The following MKNK1 variants were observed in gnomAD, a reference collection of about 807,000 sequenced individuals.
The protein encoded by MKNK1 is MAP kinase-interacting serine/threonine-protein kinase 1.
In MKNK1, 30 loss-of-function variants were observed where a neutral mutation model predicts 49.3. The observed-to-expected ratio is 0.61, with a 90% CI of 0.46 to 0.83. The LOEUF is 0.83. Among genes scored for constraint, MKNK1 ranks in the 40% least tolerant of loss-of-function variants. MKNK1 has a pLI of 0.00. For synonymous variants in MKNK1, 176 were observed against 201.7 expected (o/e 0.87, Z 1.08); for missense variants, 423 against 524.7 (o/e 0.81, Z 1.89).
intron 2 of MKNK1, chr1:46,584,951 T>G (rs1250292890): frequency 6.6e-6 from 1 of 151,958 alleles, no homozygotes; most frequent in Non-Finnish European, 1.5e-5. Context: ...CCCTATGAAT[T>G]GAAAGAATTA....
At chr1:46,568,972 G>A (rs1343613934) in intron 7 of MKNK1, 1 of 155,166 alleles carries the variant, frequency 6.4e-6, no homozygotes, top group African/African-American at 2.4e-5. Context: ...ATGTTCAGAG[G>A]AGCAAGTGTT....
intron 1 of MKNK1, among the ~76,000 whole-genome samples, chr1:46,603,519 C>T (rs1373868253): frequency 6.6e-6 from 1 of 152,178 alleles, no homozygotes; most frequent in Non-Finnish European, 1.5e-5. Context: ...CCTATTATGG[C>T]CATTTCCTAG....
Position 46,565,053 on chromosome 1 carries a change from C to T in MKNK1, c.597G>A (p.Glu199=). The change falls in exon 9 of 13, where the codon GAG becomes GAA. Residue 199 remains glutamate (E), a synonymous_variant. Transcript: ENST00000371945. ...GAAGCATACGTACTGGGGTGGTCAGCTCTGGTGTGGTTATGGGGGTACAGG... is the reference window on the plus strand; with the variant it reads ...GAAGCATACGTACTGGGGTGGTCAGTTCTGGTGTGGTTATGGGGGTACAGG... The part of the protein sequence containing the change: ...NNSCTPITTP[E]LTTPCGSAEY... 6.2e-7 allele frequency: 1 copy of T among 1,614,196 alleles called. No homozygotes were observed. The highest frequency in any genetic ancestry group is 1.1e-5 in the South Asian group (1 of 91,090).
intron 7 of MKNK1, among the ~76,000 whole-genome samples, chr1:46,570,777 G>A (rs1272274476): frequency 1.3e-5 from 2 of 152,210 alleles, no homozygotes; most frequent in Non-Finnish European, 2.9e-5. Context: ...TGAGGATGGA[G>A]GAAATCGTTA....
intron 2 of MKNK1, 54 bp from the exon 3 acceptor site, chr1:46,583,383 A>C (rs1672035676): frequency 7.2e-7 from 1 of 1,396,388 alleles, no homozygotes; most frequent in East Asian, 2.3e-5. Context: ...TCAAGCTGTA[A>C]ATTTACCCAG....
rs774886719 is a variant in MKNK1, at chr1:46,558,683, G to A, written c.1131C>T (p.Gly377=). 2 of 1,614,248 alleles carry A rather than the reference G, an allele frequency of 1.2e-6. No individual in the cohort carries two copies. Among genetic ancestry groups the A allele is most frequent in the South Asian group, 1.1e-5 (1 of 91,088 alleles). ...LAEEPEALAD[G]LCSMKLSPPC... is the part of the protein sequence containing the mutation. ...GAGGGGAAAGCTTCATGGAGCAGAGGCCATCAGCTAGTGCCTCTGGCTCCT... is the reference window on the plus strand; with the variant it reads ...GAGGGGAAAGCTTCATGGAGCAGAGACCATCAGCTAGTGCCTCTGGCTCCT... Residue 377 remains glycine (G), a synonymous_variant, in exon 13 of 13, where the codon GGC becomes GGT. Transcript: ENST00000371945.
In MKNK1 at chr1:46,576,595, C is replaced by T; in HGVS notation, c.258G>A (p.Leu86=). ...RSRVFREVET[L]YQCQGNKNIL... ...CTCACTTGTTTCCCTGACACTGATA[C>T]AGCGTCTCCACCTCTCGAAACACCC... The change falls in exon 5 of 13, where the codon CTG becomes CTA. Residue 86 remains leucine (L), a synonymous_variant. Coordinates refer to ENST00000371945, the MANE Select transcript of MKNK1 (RefSeq NM_001135553.4). The T allele has an allele frequency of 6.2e-7, 1 of 1,613,958 alleles. No individual in the cohort carries two copies. The highest frequency in any genetic ancestry group is 8.5e-7 in the Non-Finnish European group (1 of 1,179,862).
At position 46,580,544 on chromosome 1, in the gene MKNK1, C is replaced by G. The variant is rs374751007; in HGVS notation, c.184G>C (p.Glu62Gln). 4.3e-6 allele frequency: 7 copies of G among 1,613,192 alleles called. No homozygotes were observed. The highest frequency in any genetic ancestry group is 5.9e-6 in the Non-Finnish European group (7 of 1,179,204). ...GAGACACTCACTTTGACGGCATACT[C>G]TTTGCCATTCTGTAGGCTCACGGCA... Reference protein sequence around the residue: ...QGAVSLQNGKEYAVKIIEKQA... With the variant: ...QGAVSLQNGKQYAVKIIEKQA... Residue 62 changes from glutamate (E) to glutamine (Q), a missense_variant, in exon 4 of 13, where the codon GAG becomes CAG. Transcript: ENST00000371945.
intron 1 of MKNK1, among the ~76,000 whole-genome samples, chr1:46,594,617 T>C (rs1673807952): frequency 6.6e-6 from 1 of 152,218 alleles, no homozygotes; most frequent in Non-Finnish European, 1.5e-5. Context: ...GTTTCCATTA[T>C]GGGATTCCAG....
At chr1:46,573,367 A>C (rs1670482328) in intron 6 of MKNK1, among the ~76,000 whole-genome samples, 1 of 152,236 alleles carries the variant, frequency 6.6e-6, no homozygotes, top group South Asian at 2.1e-4. Context: ...TAGCATTTCA[A>C]ACATGTAATT....
At chr1:46,602,077 T>C (rs1674800106) in intron 1 of MKNK1, among the ~76,000 whole-genome samples, 1 of 152,094 alleles carries the variant, frequency 6.6e-6, no homozygotes, top group Non-Finnish European at 1.5e-5. Context: ...AGAGAGAATA[T>C]AAGCAAAGGC....
intron 1 of MKNK1, among the ~76,000 whole-genome samples, chr1:46,601,553 G>A (rs1674735257): frequency 6.6e-6 from 1 of 152,222 alleles, no homozygotes; most frequent in African/African-American, 2.4e-5. Flanking sequence ...AAAACTCACG[G>A]TCAAGGCAAG....
chr1:46,578,007 T>C (rs1028475727), intron 4 of MKNK1, among the ~76,000 whole-genome samples: 2 of 152,248 alleles, frequency 1.3e-5, no homozygotes, highest in African/African-American at 2.4e-5. Flanking sequence ...GTGTGTCTGT[T>C]TGTAAACCAC....
At chr1:46,585,003 C>T (rs553367843) in intron 2 of MKNK1, among the ~76,000 whole-genome samples, 3 of 151,976 alleles carry the variant, frequency 2.0e-5, no homozygotes, top group Non-Finnish European at 2.9e-5. Flanking sequence ...GTAATCCCAG[C>T]GCTTTGGGAT....
At chr1:46,572,019 G>A (rs769169519) in intron 7 of MKNK1, 44 bp downstream of exon 7, 1 of 1,575,308 alleles carries the variant, frequency 6.3e-7, no homozygotes, top group South Asian at 1.1e-5. Flanking sequence ...GTACCCAGAG[G>A]CTGGCCAGCC....
At chr1:46,576,540 C>T (rs1670982874) in intron 5 of MKNK1, 35 bp downstream of exon 5, 8 of 1,570,698 alleles carry the variant, frequency 5.1e-6, no homozygotes, top group Non-Finnish European at 7.0e-6. Flanking sequence ...CCAAGCGTCC[C>T]CCCAGAGAAG....
chr1:46,585,315 ACACC>A (rs1393333659), intron 2 of MKNK1, among the ~76,000 whole-genome samples: 3 of 138,868 alleles, frequency 2.2e-5, no homozygotes, highest in East Asian at 4.4e-4. Flanking sequence ...CAGCACCTCA[ACACC>A]CACCCTCACC....
chr1:46,583,252 C>G lies in MKNK1; in HGVS notation c.76G>C (p.Asp26His). The change falls in exon 3 of 13, where the codon GAC (aspartate) becomes CAC (histidine). Residue 26 changes from aspartate (D) to histidine (H), a missense_variant. Transcript: ENST00000371945. ...RKKKRRGRAT[D>H]SLPGKFEDMY... is the part of the protein sequence containing the mutation. Reference sequence around the variant, plus strand: ...CCTTCAAACTTTCCTGGCAAGGAGTCAGTGGCCCGGCCCCTCCGCTTCTTC... The same window carrying G: ...CCTTCAAACTTTCCTGGCAAGGAGTGAGTGGCCCGGCCCCTCCGCTTCTTC... The G allele has an allele frequency of 6.2e-7, 1 of 1,614,046 alleles. No individual in the cohort carries two copies. The highest frequency in any genetic ancestry group is 1.7e-5 in the Admixed American group (1 of 60,006).
chr1:46,602,145 C>T (rs1674814312), intron 1 of MKNK1, among the ~76,000 whole-genome samples: 1 of 152,196 alleles, frequency 6.6e-6, no homozygotes, highest in South Asian at 2.1e-4. Flanking sequence ...GGCACGTTGG[C>T]TCACATCTGT....
Sources: allele counts gnomAD v4.1 joint callset (sites outside exome capture counted in the v4.1 genomes callset), GRCh38; gene constraint gnomAD v4.1.1; transcripts MANE v1.5; gene names NCBI Gene and HGNC (gene_info 2026-07-23, HGNC 2026-07-21).